The following CCSER1 variants were observed in gnomAD, a reference collection of about 807,000 sequenced individuals.
CCSER1 encodes the protein serine-rich coiled-coil domain-containing protein 1.
A neutral mutation model predicts 82.0 loss-of-function variants in CCSER1; 41 were observed. That is an observed-to-expected ratio of 0.50 (90% CI 0.39 to 0.65). The LOEUF is 0.65. Among genes scored for constraint, CCSER1 ranks in the 30% least tolerant of loss-of-function variants. The pLI is 0.00. For synonymous variants in CCSER1, 414 were observed against 383.9 expected, an observed-to-expected ratio of 1.08 and a Z score of -0.92; for missense variants, 1,119 against 1,064.2, an observed-to-expected ratio of 1.05 and a Z score of -0.72.
intron 10 of CCSER1, among the ~76,000 whole-genome samples, chr4:91,453,484 C>T (rs573404694): frequency 6.6e-6 from 1 of 152,126 alleles, no homozygotes; most frequent in South Asian, 2.1e-4. Flanking sequence ...TTTTCCAGAG[C>T]ACTTTTCTCC....
At chr4:90,375,929 A>G (rs1473317306) in intron 3 of CCSER1, among the ~76,000 whole-genome samples, 1 of 152,166 alleles carries the variant, frequency 6.6e-6, no homozygotes, top group Non-Finnish European at 1.5e-5. Flanking sequence ...GCCAGCTGGG[A>G]GGCCATGTTG....
chr4:91,093,950 G>A (rs376104249), intron 10 of CCSER1, among the ~76,000 whole-genome samples: 1 of 152,138 alleles, frequency 6.6e-6, no homozygotes, highest in Non-Finnish European at 1.5e-5. Context: ...TTTAGGTTTC[G>A]GTAAGCTGCA....
At chr4:90,605,311 A>T (rs907945663) in intron 5 of CCSER1, among the ~76,000 whole-genome samples, 5 of 152,236 alleles carry the variant, frequency 3.3e-5, no homozygotes, top group Admixed American at 2.6e-4. Context: ...CGGGATTGGC[A>T]CATGTTGAAT....
chr4:91,569,015 ACTT>A (rs1345809868), intron 10 of CCSER1, among the ~76,000 whole-genome samples: 1 of 151,946 alleles, frequency 6.6e-6, no homozygotes, highest in Non-Finnish European at 1.5e-5. Flanking sequence ...GAATCAACAG[ACTT>A]CTTTTCTGGA....
At chr4:91,459,404 T>C (rs1276861713) in intron 10 of CCSER1, among the ~76,000 whole-genome samples, 2 of 152,010 alleles carry the variant, frequency 1.3e-5, no homozygotes, top group Admixed American at 6.6e-5. Flanking sequence ...TGGATACAAA[T>C]AAAATTGTTT....
chr4:91,269,731 C>T (rs1038992776), intron 10 of CCSER1, among the ~76,000 whole-genome samples: 2 of 152,020 alleles, frequency 1.3e-5, no homozygotes, highest in Non-Finnish European at 2.9e-5. Context: ...TTTTCTTGAA[C>T]GACTGCTTCT....
At chr4:90,839,509 G>A (rs73834566) in intron 8 of CCSER1, among the ~76,000 whole-genome samples, 9,895 of 152,134 alleles carry the variant, frequency 0.065, 660 homozygotes, top group African/African-American at 0.18. Flanking sequence ...TTGTTGCATC[G>A]TACCCATCAA....
chr4:90,911,732 A>C (rs528775282), intron 8 of CCSER1, among the ~76,000 whole-genome samples: 1 of 152,266 alleles, frequency 6.6e-6, no homozygotes, highest in South Asian at 2.1e-4. Flanking sequence ...TTTCCTACCC[A>C]AGCAAAGGGG....
chr4:90,489,754 G>A (rs538912021), intron 5 of CCSER1, among the ~76,000 whole-genome samples: 1 of 152,232 alleles, frequency 6.6e-6, no homozygotes, highest in South Asian at 2.1e-4. Context: ...TCCCACCTAT[G>A]AGTGAGAACA....
chr4:90,322,803 C>T (rs1737405718), intron 3 of CCSER1, among the ~76,000 whole-genome samples: 1 of 152,116 alleles, frequency 6.6e-6, no homozygotes, highest in African/African-American at 2.4e-5. Context: ...GTAAGGTGGC[C>T]TGGAGCTGAG....
At position 90,470,762 on chromosome 4, in the gene CCSER1, C is replaced by CAAAAAAAAAAAAA. The variant is rs754754971; in HGVS notation, c.1724+2415_1724+2427dup. Among the ~76,000 whole-genome samples, 5 of 71,248 alleles carry CAAAAAAAAAAAAA rather than the reference C, an allele frequency of 7.0e-5. 1 individual carries two copies. Among genetic ancestry groups the CAAAAAAAAAAAAA allele is most frequent in the African/African-American group, 2.6e-4 (5 of 19,232 alleles). The allele number at this position is 71,248 out of a possible 152,430, so 46.7% of individuals were successfully genotyped here. A position where few individuals can be genotyped will look rare whatever the true frequency, so the allele number is the denominator to read the frequency against. On this transcript the variant is annotated intron_variant, in intron 5 of 10. Coordinates refer to ENST00000509176, the MANE Select transcript of CCSER1 (RefSeq NM_001145065.2). The stretch of plus-strand genomic sequence containing the variant: ...AATTTCTCATTCCTTTTAATCAAAG[C>CAAAAAAAAAAAAA]AAAAAAAAAAAAAAAAAAACAAAAC...
At chr4:90,793,857 A>G (rs11932857) in intron 7 of CCSER1, among the ~76,000 whole-genome samples, 52,855 of 151,926 alleles carry the variant, frequency 0.35, 9,558 homozygotes, top group African/African-American at 0.46. Context: ...TTAATAACAC[A>G]TACCATTCTG....
At chr4:90,214,774 A>G (rs576597138) in intron 1 of CCSER1, among the ~76,000 whole-genome samples, 2 of 152,312 alleles carry the variant, frequency 1.3e-5, no homozygotes, top group South Asian at 4.1e-4. Context: ...ACTTTTATAA[A>G]TGAAGAAGCT....
At chr4:90,288,237 A>G (rs1022691839) in intron 1 of CCSER1, among the ~76,000 whole-genome samples, 2 of 151,992 alleles carry the variant, frequency 1.3e-5, no homozygotes, top group East Asian at 1.9e-4. Flanking sequence ...AGTTCCTGAC[A>G]CTTCATCTCA....
intron 8 of CCSER1, among the ~76,000 whole-genome samples, chr4:90,843,986 A>C (rs1477084090): frequency 6.6e-6 from 1 of 152,000 alleles, no homozygotes; most frequent in Non-Finnish European, 1.5e-5. Flanking sequence ...CCAATCTTTC[A>C]AGATTTTGTG....
In CCSER1 at chr4:91,355,401, C is replaced by A. The variant is rs142779186; in HGVS notation, c.2218-243171C>A. Among the ~76,000 whole-genome samples, 315 of 152,058 alleles carry A rather than the reference C, an allele frequency of 2.1e-3. 1 individual carries two copies. Among genetic ancestry groups the A allele is most frequent in the African/African-American group, 6.9e-3 (287 of 41,480 alleles). On this transcript the variant is annotated intron_variant, in intron 10 of 10. Transcript: ENST00000509176. ...TTAATTTTATTTTAAAAACTGTGAT[C>A]GTGGGAGGCTTAAAATGGGTCATAA...
intron 2 of CCSER1, among the ~76,000 whole-genome samples, chr4:90,310,599 A>T (rs1380757196): frequency 6.6e-6 from 1 of 152,144 alleles, no homozygotes; most frequent in Non-Finnish European, 1.5e-5. Context: ...TAATTCATTT[A>T]TTGGGATATA....
chr4:90,708,291 C>T (rs147800694), intron 6 of CCSER1, among the ~76,000 whole-genome samples: 250 of 152,320 alleles, frequency 1.6e-3, no homozygotes, highest in African/African-American at 5.8e-3. Context: ...TGTTCTCGCT[C>T]AGACCTTAGC....
intron 1 of CCSER1, among the ~76,000 whole-genome samples, chr4:90,291,651 GAAAGA>G (rs1408510107): frequency 6.6e-6 from 1 of 151,870 alleles, no homozygotes; most frequent in Non-Finnish European, 1.5e-5. Context: ...CTTAAGAAAG[GAAAGA>G]AATGAGCTAA....
Sources: allele counts gnomAD v4.1 joint callset (sites outside exome capture counted in the v4.1 genomes callset), GRCh38; gene constraint gnomAD v4.1.1; transcripts MANE v1.5; gene names NCBI Gene and HGNC (gene_info 2026-07-23, HGNC 2026-07-21).